EYA1: variants seen among roughly 807,000 people sequenced by gnomAD.
EYA1 encodes EYA transcriptional coactivator and phosphatase 1, also known as protein phosphatase EYA1.
In EYA1, 16 loss-of-function variants were observed where a neutral mutation model predicts 82.0. That is an observed-to-expected ratio of 0.20 (90% CI 0.13 to 0.30). The LOEUF (loss-of-function observed/expected upper bound fraction) is 0.30, where lower values mean the gene tolerates loss of function less well. Among genes scored for constraint, EYA1 ranks in the 10% least tolerant of loss-of-function variants. The pLI is 1.00. For missense variants in EYA1, 633 were observed against 730.7 expected, an observed-to-expected ratio of 0.87 and a Z score of 1.54; for synonymous variants, 261 against 264.4, an observed-to-expected ratio of 0.99 and a Z score of 0.12.
At chr8:71,314,623 T>A (rs1421990763) in intron 7 of EYA1, among the ~76,000 whole-genome samples, 1 of 152,164 alleles carries the variant, frequency 6.6e-6, no homozygotes, top group Non-Finnish European at 1.5e-5. Flanking sequence ...TCTTTGAGAA[T>A]CACGTGAGTG....
intron 1 of EYA1, among the ~76,000 whole-genome samples, chr8:71,541,675 A>G (rs1319397669): frequency 6.6e-6 from 1 of 152,238 alleles, no homozygotes; most frequent in Non-Finnish European, 1.5e-5. Flanking sequence ...AGAAAGTGGT[A>G]TGTACACAGC....
At chr8:71,233,436 C>A (rs1020443994) in intron 12 of EYA1, among the ~76,000 whole-genome samples, 1 of 151,760 alleles carries the variant, frequency 6.6e-6, no homozygotes, top group Non-Finnish European at 1.5e-5. Context: ...TGGTGGTGGG[C>A]GCCTGTATTC....
At chr8:71,538,553 T>C (rs897511755) in intron 1 of EYA1, among the ~76,000 whole-genome samples, 7 of 152,298 alleles carry the variant, frequency 4.6e-5, no homozygotes, top group Admixed American at 1.3e-4. Context: ...TAAGCAAAAC[T>C]GGTGACTTGA....
chr8:71,369,278 T>C (rs1827954829), intron 2 of EYA1, among the ~76,000 whole-genome samples: 1 of 152,148 alleles, frequency 6.6e-6, no homozygotes, highest in Non-Finnish European at 1.5e-5. Context: ...TTGTATATTC[T>C]TGGATTTCAT....
Position 71,203,210 on chromosome 8 carries a change from T to C in EYA1, c.1699-3790A>G, listed in dbSNP as rs111532483. Among the ~76,000 whole-genome samples the C allele has an allele frequency of 2.6e-3, 397 of 152,216 alleles. 2 individuals are homozygous for C. Among genetic ancestry groups the C allele is most frequent in the African/African-American group, 7.8e-3 (322 of 41,542 alleles). ...CTAGTTTCTTTATAACATGAGCGTT[T>C]AGGGAAAATGACTCAGGGTTGCTTC... is the stretch of plus-strand genomic sequence containing the variant. On this transcript the variant is annotated intron_variant, in intron 17 of 17. Transcript: ENST00000340726.
intron 9 of EYA1, among the ~76,000 whole-genome samples, chr8:71,278,421 G>A (rs1817446576): frequency 6.6e-6 from 1 of 152,092 alleles, no homozygotes; most frequent in African/African-American, 2.4e-5. Flanking sequence ...TTTAAATTGT[G>A]TCTCTTTTAC....
intron 2 of EYA1, among the ~76,000 whole-genome samples, chr8:71,383,896 GATTA>G (rs1197003159): frequency 1.3e-5 from 2 of 151,906 alleles, no homozygotes; most frequent in Non-Finnish European, 2.9e-5. Context: ...TGTATACATG[GATTA>G]ATTATATTAT....
At position 71,320,017 on chromosome 8, in the gene EYA1, C is replaced by T. The variant is rs111919477; in HGVS notation, c.418+1717G>A. On this transcript the variant is annotated intron_variant, in intron 6 of 17. Transcript: ENST00000340726. ...CCTTCACACTGAGCCTCGCTCTCTCCCCCTCCCTTATCCCCATCTATCCCA... is the reference window on the plus strand; with the variant it reads ...CCTTCACACTGAGCCTCGCTCTCTCTCCCTCCCTTATCCCCATCTATCCCA... Among the ~76,000 whole-genome samples, 791 of 152,266 alleles carry T rather than the reference C, an allele frequency of 5.2e-3. 9 individuals are homozygous for T. The highest frequency in any genetic ancestry group is 0.017 in the African/African-American group (692 of 41,548).
intron 2 of EYA1, among the ~76,000 whole-genome samples, chr8:71,528,003 C>T (rs530135860): frequency 6.6e-6 from 1 of 152,048 alleles, no homozygotes; most frequent in African/African-American, 2.4e-5. Context: ...CCACCCCTCA[C>T]ACATAAAAAA....
Position 71,322,242 on chromosome 8 carries a change from G to T in EYA1, c.229C>A (p.Arg77=), listed in dbSNP as rs200164773. 6.2e-7 allele frequency: 1 copy of T among 1,613,986 alleles called. No homozygotes were observed. The highest frequency in any genetic ancestry group is 8.5e-7 in the Non-Finnish European group (1 of 1,179,904). The change falls in exon 5 of 18, where the codon CGA becomes AGA. Residue 77 remains arginine, a synonymous_variant. Transcript: ENST00000340726. ...SAIGSSSFSP[R]PTHQFSPPQI... ...GGTGGAGAGAACTGGTGAGTTGGTC[G>T]TGGGCTGAAACTACTGCTCCCAATT...
chr8:71,268,876 CACTT>C (rs977491147), intron 11 of EYA1, among the ~76,000 whole-genome samples: 34 of 152,248 alleles, frequency 2.2e-4, no homozygotes, highest in African/African-American at 7.7e-4. Flanking sequence ...TTAATTCTAA[CACTT>C]AATTATGATA....
Position 71,407,689 on chromosome 8 carries a change from A to C in EYA1, c.34-51178T>G, listed in dbSNP as rs1255179786. Among the ~76,000 whole-genome samples the C allele has an allele frequency of 4.9e-4, 59 of 121,628 alleles. 2 individuals are homozygous for C. Among genetic ancestry groups the C allele is most frequent in the Middle Eastern group, 3.9e-3 (1 of 254 alleles). 79.8% of individuals were successfully genotyped at this position (121,628 alleles called of 152,430 possible). A position where few individuals can be genotyped will look rare whatever the true frequency, so the allele number is the denominator to read the frequency against. On this transcript the variant is annotated intron_variant, in intron 2 of 18. Coordinates refer to the EYA1 transcript ENST00000643681. ...TTTAGAGAAAAAAGAATAAAAAGAAATGAGCAAAGCCTCCAAGAAATATGG... is the reference window on the plus strand; with the variant it reads ...TTTAGAGAAAAAAGAATAAAAAGAACTGAGCAAAGCCTCCAAGAAATATGG...
At chr8:71,427,231 G>A (rs780265746) in intron 2 of EYA1, among the ~76,000 whole-genome samples, 26 of 152,048 alleles carry the variant, frequency 1.7e-4, no homozygotes, top group Non-Finnish European at 3.2e-4. Context: ...CTGTTGCTTC[G>A]GATGGGAGTT....
chr8:71,390,795 A>T (rs773222940), intron 2 of EYA1, among the ~76,000 whole-genome samples: 52 of 152,018 alleles, frequency 3.4e-4, no homozygotes, highest in Non-Finnish European at 5.4e-4. Flanking sequence ...AAACTGTCCC[A>T]TAGGTCCCTG....
At chr8:71,448,013 T>TC (rs895352874) in intron 2 of EYA1, among the ~76,000 whole-genome samples, 3 of 141,404 alleles carry the variant, frequency 2.1e-5, no homozygotes, top group African/African-American at 8.1e-5. Context: ...TAAGAGCTTT[T>TC]TTTTTTTTTT....
chr8:71,262,430 C>A (rs1815243912), intron 11 of EYA1, among the ~76,000 whole-genome samples: 1 of 152,146 alleles, frequency 6.6e-6, no homozygotes, highest in Non-Finnish European at 1.5e-5. Flanking sequence ...TCTGAACCCC[C>A]AAAGTAAGCA....
chr8:71,473,219 A>G (rs1200364650), intron 2 of EYA1, among the ~76,000 whole-genome samples: 2 of 152,160 alleles, frequency 1.3e-5, no homozygotes, highest in Non-Finnish European at 2.9e-5. Flanking sequence ...AATTAAACTA[A>G]AAAGCTTCTG....
At chr8:71,473,504 C>T (rs1809400941) in intron 2 of EYA1, among the ~76,000 whole-genome samples, 1 of 152,076 alleles carries the variant, frequency 6.6e-6, no homozygotes, top group Non-Finnish European at 1.5e-5. Context: ...AATGAGATAC[C>T]ATCTCATGCC....
At chr8:71,329,050 G>A (rs1823498238) in intron 4 of EYA1, among the ~76,000 whole-genome samples, 1 of 152,202 alleles carries the variant, frequency 6.6e-6, no homozygotes, top group African/African-American at 2.4e-5. Flanking sequence ...TTAGCAGGAA[G>A]ACAGAGACCG....
Sources: gnomAD v4.1 joint callset for allele counts (sites outside exome capture counted in the v4.1 genomes callset) on GRCh38, gnomAD v4.1.1 for gene constraint, MANE v1.5 for transcripts, NCBI Gene and HGNC (gene_info 2026-07-23, HGNC 2026-07-21) for gene names.